LARS1: variants seen among roughly 807,000 people sequenced by gnomAD.
LARS1 encodes the protein leucyl-tRNA synthetase 1, also known as leucine--tRNA ligase, cytoplasmic.
A neutral mutation model predicts 162.8 loss-of-function variants in LARS1; 100 were observed. The observed-to-expected ratio is 0.61, with a 90% CI of 0.52 to 0.73. The LOEUF is 0.73. Ranked by LOEUF, LARS1 falls within the 30% of genes least tolerant of loss-of-function variation. The pLI, the probability that LARS1 is intolerant of heterozygous loss-of-function variation, is 0.00. For synonymous variants in LARS1, 457 were observed against 462.8 expected (o/e 0.99, Z 0.16); for missense variants, 1,258 against 1,408.9 (o/e 0.89, Z 1.71).
At chr5:146,143,314 T>C in intron 19 of LARS1, 98 bp downstream of exon 19, 1 of 1,453,658 alleles carries the variant, frequency 6.9e-7, no homozygotes, top group Non-Finnish European at 9.2e-7. Context: ...ATGACAAAAT[T>C]CTGTGAAATA....
At chr5:146,150,942 G>GACACACACACAC (rs3995492) in intron 14 of LARS1, among the ~76,000 whole-genome samples, 4,234 of 134,822 alleles carry the variant, frequency 0.031, 114 homozygotes, top group African/African-American at 0.061. Context: ...CCGTCAGATA[G>GACACACACACAC]ACACACACAC....
chr5:146,115,272 A>G (rs1764158713), intron 31 of LARS1, among the ~76,000 whole-genome samples: 1 of 152,008 alleles, frequency 6.6e-6, no homozygotes, highest in Non-Finnish European at 1.5e-5. Flanking sequence ...ATATCGAAAA[A>G]TCTAAAACTT....
chr5:146,136,678 C>A (rs113683788), intron 21 of LARS1, among the ~76,000 whole-genome samples: 4,415 of 152,022 alleles, frequency 0.029, 220 homozygotes, highest in African/African-American at 0.1. Context: ...GACGGGGTTT[C>A]ACCATGTTGG....
chr5:146,120,417 A>T lies in LARS1; in HGVS notation c.3279T>A (p.Cys1093Ter). The change falls in exon 31 of 32, where the codon TGT (cysteine) becomes TGA (stop). Residue 1093 changes from cysteine (C) to a stop codon, truncating the protein, a stop_gained. Coordinates refer to ENST00000394434, the MANE Select transcript of LARS1 (RefSeq NM_020117.11). LOFTEE classifies it high-confidence loss of function. ...TKIEIRQGDN[C>*]DSIIRRLMKM... is the part of the protein sequence containing the mutation. ...TCATTAAACGCCTGATTATGGAATC[A>T]CAGTTATCTCCTTGCCTGATTTCAA... 6.2e-7 allele frequency: 1 copy of T among 1,613,446 alleles called. No individual in the cohort carries two copies. Among genetic ancestry groups the T allele is most frequent in the African/African-American group, 1.3e-5 (1 of 75,012 alleles).
Position 146,128,773 on chromosome 5 carries a change from T to C in LARS1, c.2779A>G (p.Lys927Glu). The change falls in exon 27 of 32, where the codon AAA (lysine) becomes GAA (glutamate). Residue 927 changes from lysine (K) to glutamate (E), a missense_variant. Coordinates refer to ENST00000394434, the MANE Select transcript of LARS1 (RefSeq NM_020117.11). Reference protein sequence around the residue: ...MMPAKGKKTDKQPLQKPSHCT... With the variant: ...MMPAKGKKTDEQPLQKPSHCT... ...TGTGAGGGCTTCTGCAGGGGTTGTT[T>C]GTCAGTCTTCTAGACGGTAAAAGAA... 6.2e-7 allele frequency: 1 copy of C among 1,602,192 alleles called. No individual in the cohort carries two copies. Among genetic ancestry groups the C allele is most frequent in the Non-Finnish European group, 8.5e-7 (1 of 1,176,888 alleles).
At chr5:146,133,138 G>GGACACATAGGACACAGTTGA in intron 22 of LARS1, 57 bp from the exon 23 acceptor site, 1 of 1,434,922 alleles carries the variant, frequency 7.0e-7, no homozygotes, top group Non-Finnish European at 9.7e-7. Context: ...AGTATCAACT[G>GGACACATAGGACACAGTTGA]TGTCCTATGT....
chr5:146,160,216 TAA>T (rs971001109), intron 7 of LARS1, among the ~76,000 whole-genome samples, 156 bp downstream of exon 7: 1 of 151,980 alleles, frequency 6.6e-6, no homozygotes, highest in African/African-American at 2.4e-5. Context: ...TTTTTTTATA[TAA>T]AGAGATGTGG....
intron 15 of LARS1, among the ~76,000 whole-genome samples, chr5:146,145,757 A>G (rs1300440730): frequency 6.6e-6 from 1 of 152,198 alleles, no homozygotes; most frequent in Admixed American, 6.5e-5. Context: ...AATAGCTGGA[A>G]TTTTGGTTTA....
At chr5:146,127,622 A>T (rs1752099442) in intron 27 of LARS1, among the ~76,000 whole-genome samples, 1 of 152,138 alleles carries the variant, frequency 6.6e-6, no homozygotes, top group African/African-American at 2.4e-5. Context: ...TGGTATGAAT[A>T]TATAATCCAC....
chr5:146,169,140 C>T (rs1192017008), intron 4 of LARS1, among the ~76,000 whole-genome samples: 2 of 152,094 alleles, frequency 1.3e-5, no homozygotes, highest in African/African-American at 4.8e-5. Flanking sequence ...AGATTACTGT[C>T]ACATATACTC....
chr5:146,126,283 T>C, intron 28 of LARS1, 152 bp downstream of exon 28: 1 of 542,350 alleles, frequency 1.8e-6, no homozygotes. Context: ...AAACCCAAAA[T>C]CTGATAGATC....
chr5:146,139,345 CAAAA>C (rs977056105), intron 21 of LARS1, among the ~76,000 whole-genome samples: 1 of 79,326 alleles, frequency 1.3e-5, no homozygotes, highest in Non-Finnish European at 2.5e-5. Flanking sequence ...TCCATCACAA[CAAAA>C]AAAAAAAAAA....
At chr5:146,121,850 T>C (rs985371628) in intron 30 of LARS1, among the ~76,000 whole-genome samples, 2 of 151,890 alleles carry the variant, frequency 1.3e-5, no homozygotes, top group African/African-American at 4.8e-5. Flanking sequence ...ACAGAAGGGA[T>C]AGCGTTAAGA....
At chr5:146,168,382 C>A (rs918802414) in intron 4 of LARS1, 117 bp from the exon 5 acceptor site, 23 of 1,042,208 alleles carry the variant, frequency 2.2e-5, no homozygotes, top group Non-Finnish European at 3.1e-5. Context: ...TATATTGATA[C>A]CTATGTGGCT....
At chr5:146,144,842 G>C in intron 15 of LARS1, 133 bp from the exon 16 acceptor site, 1 of 709,500 alleles carries the variant, frequency 1.4e-6, no homozygotes. Context: ...TGTCTTGCCC[G>C]CCTTCCCAGG....
chr5:146,141,122 C>T (rs780455590), intron 20 of LARS1, among the ~76,000 whole-genome samples: 12 of 152,160 alleles, frequency 7.9e-5, no homozygotes, highest in East Asian at 1.9e-4. Context: ...AAACTATGTA[C>T]ATGTCATTCA....
At chr5:146,140,375 C>T in intron 20 of LARS1, 114 bp from the exon 21 acceptor site, 1 of 750,654 alleles carries the variant, frequency 1.3e-6, no homozygotes, top group East Asian at 2.7e-5. Flanking sequence ...GATAAAAGTG[C>T]AAGGATATAC....
Position 146,144,544 on chromosome 5 carries a change from G to A in LARS1, c.1590-7C>T. 1 of 1,613,724 alleles carries A rather than the reference G, an allele frequency of 6.2e-7. No individual in the cohort carries two copies. The highest frequency in any genetic ancestry group is 1.1e-5 in the South Asian group (1 of 90,976). On this transcript the variant is annotated splice_polypyrimidine_tract_variant and splice_region_variant and intron_variant, in intron 16 of 31. Transcript: ENST00000394434. Reference sequence around the variant, plus strand: ...TTCTCCATAATCCAAGTACCTGGGAGTGGACAAATTGATATGTTTTTTTTT... The same window carrying A: ...TTCTCCATAATCCAAGTACCTGGGAATGGACAAATTGATATGTTTTTTTTT...
chr5:146,147,503 C>T (rs926941369), intron 15 of LARS1, among the ~76,000 whole-genome samples: 2 of 151,896 alleles, frequency 1.3e-5, no homozygotes, highest in African/African-American at 2.4e-5. Flanking sequence ...AGGAATTTAT[C>T]ATTCTACTCT....
Sources: allele counts gnomAD v4.1 joint callset (sites outside exome capture counted in the v4.1 genomes callset), GRCh38; gene constraint gnomAD v4.1.1; transcripts MANE v1.5; gene names NCBI Gene and HGNC (gene_info 2026-07-23, HGNC 2026-07-21).